Variants in ATP2B3 observed in about 807,000 individuals in gnomAD.
The protein encoded by ATP2B3 is plasma membrane calcium-transporting ATPase 3.
A neutral mutation model predicts 70.8 loss-of-function variants in ATP2B3; 12 were observed. That is an observed-to-expected ratio of 0.17 (90% CI 0.11 to 0.27). ATP2B3 has a LOEUF of 0.27. Among genes scored for constraint, ATP2B3 ranks in the 10% least tolerant of loss-of-function variants. The probability of loss-of-function intolerance (pLI) is 1.00; values close to 1 mark genes in which losing one functional copy is unlikely to be tolerated. For missense variants in ATP2B3, 858 were observed against 1,118.5 expected, an observed-to-expected ratio of 0.77 and a Z score of 3.32; for synonymous variants, 460 against 497.8, an observed-to-expected ratio of 0.92 and a Z score of 1.01.
chrX:153,548,389 C>T (rs2090403752), intron 9 of ATP2B3, among the ~76,000 whole-genome samples: 1 of 111,048 alleles, frequency 9.0e-6, no homozygotes, highest in South Asian at 3.8e-4. Flanking sequence ...CTTCTCCTGC[C>T]ATCAGACCAC....
intron 3 of ATP2B3, among the ~76,000 whole-genome samples, chrX:153,539,982 C>A (rs2090255269): frequency 1.8e-5 from 2 of 112,895 alleles, no homozygotes; most frequent in Non-Finnish European, 3.8e-5. Flanking sequence ...AATTTGGGGG[C>A]TTCTGAGTGG....
chrX:153,575,914 A>C (rs1424876525), intron 21 of ATP2B3, among the ~76,000 whole-genome samples: 6 of 111,224 alleles, frequency 5.4e-5, no homozygotes, highest in African/African-American at 2.0e-4. Flanking sequence ...GAAGTGTGGC[A>C]GAGGGAGACA....
intron 18 of ATP2B3, 93 bp from the exon 19 acceptor site, chrX:153,560,583 C>G: frequency 1.0e-6 from 1 of 982,951 alleles, no homozygotes; most frequent in Non-Finnish European, 1.4e-6. Flanking sequence ...GGACAAGGGA[C>G]CCATCTCGGG....
chrX:153,579,346 C>G (rs782756529), intron 21 of ATP2B3, among the ~76,000 whole-genome samples: 49 of 112,576 alleles, frequency 4.4e-4, no homozygotes, highest in Admixed American at 1.2e-3. Flanking sequence ...GGGAGACCCT[C>G]GACATGGCAG....
chrX:153,580,107 C>T lies in ATP2B3; in HGVS notation c.3472C>T (p.Leu1158Phe). 8.2e-7 allele frequency: 1 copy of T among 1,212,337 alleles called. No homozygotes were observed. The highest frequency in any genetic ancestry group is 1.1e-6 in the Non-Finnish European group (1 of 895,638). ...CAATGACTACACCCACAACATCCCG[C>T]TCATTGACGACACGGACGTGGACGA... Reference protein sequence around the residue: ...LINDYTHNIPLIDDTDVDENE... With the variant: ...LINDYTHNIPFIDDTDVDENE... Residue 1158 changes from leucine to phenylalanine, a missense_variant, in exon 22 of 22, where the codon CTC becomes TTC. Coordinates refer to ENST00000263519, the MANE Select transcript of ATP2B3 (RefSeq NM_001001344.3).
chrX:153,532,140 C>T (rs2124358281), intron 2 of ATP2B3, among the ~76,000 whole-genome samples: 1 of 112,340 alleles, frequency 8.9e-6, no homozygotes, highest in Non-Finnish European at 1.9e-5. Context: ...TCTCCTGGCC[C>T]TCGTAGGGTG....
chrX:153,543,611 TGGGTGGTGGCCCTGCCCTG>T (rs1295579944), intron 7 of ATP2B3, among the ~76,000 whole-genome samples: 4 of 112,527 alleles, frequency 3.6e-5, no homozygotes, highest in Non-Finnish European at 7.5e-5. Context: ...AGCCCAACTG[TGGGTGGTGGCCCTGCCCTG>T]GGGCTTACAA....
At position 153,540,335 on chromosome X, in the gene ATP2B3, C is replaced by T. The variant is rs191102296; in HGVS notation, c.209-1024C>T. On this transcript the variant is annotated intron_variant, in intron 3 of 21. Coordinates refer to ENST00000263519, the MANE Select transcript of ATP2B3 (RefSeq NM_001001344.3). ...ACTTCCCAGTCCCCTCCCTCAGCACCGTGACTCCGGTTTGGCTTCTCCCCG... is the reference window on the plus strand; with the variant it reads ...ACTTCCCAGTCCCCTCCCTCAGCACTGTGACTCCGGTTTGGCTTCTCCCCG... Among the ~76,000 whole-genome samples the T allele has an allele frequency of 2.7e-5, 3 of 112,415 alleles. No homozygotes were observed. The Admixed American group carries it at 2.8e-4, about 10-fold the overall frequency.
chrX:153,536,167 G>A lies in ATP2B3; in HGVS notation c.-81G>A, dbSNP rs2090187566. 3 of 1,085,164 alleles carry A rather than the reference G, an allele frequency of 2.8e-6. No individual in the cohort carries two copies. Among genetic ancestry groups the A allele is most frequent in the East Asian group, 3.3e-5 (1 of 30,452 alleles). The allele number at this position is 1,085,164 out of a possible 1,213,427, so 89.4% of individuals were successfully genotyped here. On this transcript the variant is annotated 5_prime_UTR_variant, in exon 3 of 22. Coordinates refer to ENST00000263519, the MANE Select transcript of ATP2B3 (RefSeq NM_001001344.3). ...TCTCACCGCCGCCAAACCTTGCCTG[G>A]GCACTGGGACCGTGGGTGGCCGCCT...
chrX:153,551,154 G>A (rs781962393), intron 12 of ATP2B3, among the ~76,000 whole-genome samples: 2 of 112,279 alleles, frequency 1.8e-5, no homozygotes, highest in Non-Finnish European at 3.8e-5. Flanking sequence ...TTTTCCACAG[G>A]GGCAGCACCG....
rs184489308 is a variant in ATP2B3 at position 153,546,822 on chromosome X, C to T, written c.958+693C>T. 2.8e-3 allele frequency among the ~76,000 whole-genome samples: 314 copies of T among 113,032 alleles called. 3 individuals carry two copies. Among genetic ancestry groups the T allele is most frequent in the African/African-American group, 9.5e-3 (297 of 31,165 alleles). On this transcript the variant is annotated intron_variant, in intron 8 of 21. Transcript: ENST00000263519. ...GAGATGACCCAGGCAACGCCCTGTG[C>T]GGAGCTGGGTTTGGGAGGGCAGTGG...
In ATP2B3 at chrX:153,543,119, C is replaced by T; in HGVS notation, c.867C>T (p.Phe289=). Residue 289 remains phenylalanine, a synonymous_variant, in exon 7 of 22, where the codon TTC becomes TTT. Transcript: ENST00000263519. ...VGVNSQTGII[F]TLLGAGGEEE... ...TGAATTCCCAGACAGGCATCATCTT[C>T]ACGCTGCTTGGAGCTGGCGGAGAGG... 8.2e-7 allele frequency: 1 copy of T among 1,212,131 alleles called. No individual in the cohort carries two copies. The highest frequency in any genetic ancestry group is 1.1e-6 in the Non-Finnish European group (1 of 895,542).
chrX:153,534,443 T>C (rs1405811278), intron 2 of ATP2B3, among the ~76,000 whole-genome samples: 2 of 95,256 alleles, frequency 2.1e-5, no homozygotes, highest in African/African-American at 1.0e-4. Flanking sequence ...CTTTCACTCC[T>C]TCTAGTCTTT....
intron 12 of ATP2B3, among the ~76,000 whole-genome samples, chrX:153,551,743 A>G (rs1445479584): frequency 8.9e-6 from 1 of 112,205 alleles, no homozygotes; most frequent in East Asian, 2.8e-4. Context: ...TGCGTGAATT[A>G]TATCCCAATA....
intron 2 of ATP2B3, among the ~76,000 whole-genome samples, chrX:153,525,026 A>G (rs1321463804): frequency 1.8e-5 from 2 of 111,828 alleles, no homozygotes; most frequent in Non-Finnish European, 3.8e-5. Flanking sequence ...TGGGCAGTAC[A>G]GCGCCATCCT....
chrX:153,574,854 A>T (rs1390095536), intron 21 of ATP2B3: 3 of 328,421 alleles, frequency 9.1e-6, no homozygotes, highest in African/African-American at 8.0e-5. Flanking sequence ...CCACACCTGC[A>T]CCCCTTCCGC....
intron 2 of ATP2B3, among the ~76,000 whole-genome samples, chrX:153,522,411 C>A (rs1556998122): frequency 8.9e-6 from 1 of 112,139 alleles, no homozygotes; most frequent in Non-Finnish European, 1.9e-5. Context: ...CGAGGCCAGC[C>A]GGTATCTCCC....
chrX:153,547,746 G>C, intron 8 of ATP2B3, 89 bp from the exon 9 acceptor site: 1 of 1,039,180 alleles, frequency 9.6e-7, no homozygotes, highest in East Asian at 3.2e-5. Flanking sequence ...TCTCTATGGT[G>C]TGGCATGTCT....
At position 153,536,897 on chromosome X, in the gene ATP2B3, C is replaced by G. The variant is rs187079770; in HGVS notation, c.208+442C>G. The stretch of plus-strand genomic sequence containing the variant: ...GCAAGCCTTCGGAGTTTCGGGTGAC[C>G]GGGGCCTCTCCTGGGAAGAGAGAGG... On this transcript the variant is annotated intron_variant, in intron 3 of 21. Coordinates refer to ENST00000263519, the MANE Select transcript of ATP2B3 (RefSeq NM_001001344.3). 5.6e-3 allele frequency among the ~76,000 whole-genome samples: 625 copies of G among 112,013 alleles called. 7 individuals carry two copies. Among genetic ancestry groups the G allele is most frequent in the African/African-American group, 0.019 (590 of 30,854 alleles).
Sources: gnomAD v4.1 joint callset for allele counts (sites outside exome capture counted in the v4.1 genomes callset) on GRCh38, gnomAD v4.1.1 for gene constraint, MANE v1.5 for transcripts, NCBI Gene and HGNC (gene_info 2026-07-23, HGNC 2026-07-21) for gene names.